The following CTNNA3 variants were observed in gnomAD, a reference collection of about 807,000 sequenced individuals.
CTNNA3 encodes catenin alpha 3.
CTNNA3 carries 76 observed loss-of-function variants against 95.7 expected under a neutral mutation model. The ratio of observed to expected loss-of-function variants is 0.79; its 90% CI spans 0.66 to 0.96. The LOEUF is 0.96. Ranked by LOEUF, CTNNA3 falls within the 40% of genes least tolerant of loss-of-function variation. CTNNA3 has a pLI of 0.00. For missense variants in CTNNA3, 1,191 were observed against 1,089.8 expected (o/e 1.09, Z -1.31); for synonymous variants, 431 against 374.4 (o/e 1.15, Z -1.74).
At position 66,927,380 on chromosome 10, in the gene CTNNA3, G is replaced by A; in HGVS notation, c.1048-151856C>T. On this transcript the variant is annotated intron_variant, in intron 7 of 17. Transcript: ENST00000433211. The surrounding 1 kb of genome is among the most constrained non-coding windows in gnomAD (Gnocchi z 4.7). ...TCTCTGGGATCTGAACAGTTTCGGG[G>A]CTTGCGGAAGCTGCTGAGTTTACAT... 3 of 1,614,162 alleles carry A rather than the reference G, an allele frequency of 1.9e-6. No homozygotes were observed. The highest frequency in any genetic ancestry group is 2.5e-6 in the Non-Finnish European group (3 of 1,180,030).
At chr10:66,108,228 G>A (rs2081983356) in intron 13 of CTNNA3, among the ~76,000 whole-genome samples, 1 of 152,084 alleles carries the variant, frequency 6.6e-6, no homozygotes, top group South Asian at 2.1e-4. Flanking sequence ...CATGGCCCTT[G>A]TTTAACACAC....
chr10:65,962,759 A>G (rs2077875833), intron 17 of CTNNA3, among the ~76,000 whole-genome samples: 1 of 116,222 alleles, frequency 8.6e-6, no homozygotes, highest in Non-Finnish European at 1.6e-5. Context: ...CCCTGTGTCC[A>G]TGTGTTCTCA....
chr10:67,483,787 A>C lies in CTNNA3; in HGVS notation c.579+38055T>G, dbSNP rs568655616. On this transcript the variant is annotated intron_variant, in intron 5 of 17. Transcript: ENST00000433211. ...AAAAAAATAAAAATTAAAAAAAAAA[A>C]CAAAAAAAAAACAAAACACTGCTCA... Among the ~76,000 whole-genome samples the C allele has an allele frequency of 3.7e-3, 536 of 146,630 alleles. 8 individuals carry two copies. The highest frequency in any genetic ancestry group is 0.013 in the African/African-American group (513 of 38,762).
At chr10:66,441,998 A>G (rs4269830) in intron 11 of CTNNA3, among the ~76,000 whole-genome samples, 58,124 of 152,086 alleles carry the variant, frequency 0.38, 11,677 homozygotes, top group African/African-American at 0.5. Flanking sequence ...GAAACTACTG[A>G]AATAGTATGT....
chr10:66,289,351 A>T (rs2091641446), intron 12 of CTNNA3, among the ~76,000 whole-genome samples: 2 of 62,520 alleles, frequency 3.2e-5, no homozygotes, highest in African/African-American at 1.4e-4. Context: ...CACTTTGGAA[A>T]CAAACAAGAA....
At chr10:67,015,272 G>A (rs1395933351) in intron 7 of CTNNA3, 1 of 152,022 alleles carries the variant, frequency 6.6e-6, no homozygotes, top group Non-Finnish European at 1.5e-5. Flanking sequence ...TTTATCCATA[G>A]ATAGATTTGA....
chr10:67,097,730 T>C, intron 7 of CTNNA3: 1 of 1,612,656 alleles, frequency 6.2e-7, no homozygotes, highest in East Asian at 2.2e-5. Flanking sequence ...ACCTAGAGAC[T>C]GAGCTGGACC....
At chr10:67,271,754 T>C (rs1287926684) in intron 5 of CTNNA3, among the ~76,000 whole-genome samples, 4 of 152,128 alleles carry the variant, frequency 2.6e-5, no homozygotes, top group Non-Finnish European at 2.9e-5. Context: ...TAAGCAAAGA[T>C]TGACAAAGAA....
chr10:66,826,993 C>G (rs149541141), intron 7 of CTNNA3, among the ~76,000 whole-genome samples: 1 of 152,214 alleles, frequency 6.6e-6, no homozygotes, highest in African/African-American at 2.4e-5. Context: ...TATGATTTTC[C>G]AAAAATTGAC....
intron 13 of CTNNA3, among the ~76,000 whole-genome samples, chr10:66,182,517 A>T (rs949873543): frequency 2.0e-5 from 3 of 152,000 alleles, no homozygotes; most frequent in Non-Finnish European, 4.4e-5. Flanking sequence ...GGCCTCCCAA[A>T]GTGCTGGGAT....
Position 66,064,492 on chromosome 10 carries a change from A to C in CTNNA3, c.2159+4816T>G, listed in dbSNP as rs183934918. Among the ~76,000 whole-genome samples, 67 of 152,264 alleles carry C rather than the reference A, an allele frequency of 4.4e-4. 1 individual carries two copies. The highest frequency in any genetic ancestry group is 1.5e-3 in the African/African-American group (63 of 41,570). On this transcript the variant is annotated intron_variant, in intron 15 of 17. Transcript: ENST00000433211. ...CTGATTATGCAATTTGAAATTCATCAGTTTAATAGGTCACACACTTGGGAT... is the reference window on the plus strand; with the variant it reads ...CTGATTATGCAATTTGAAATTCATCCGTTTAATAGGTCACACACTTGGGAT...
intron 15 of CTNNA3, among the ~76,000 whole-genome samples, chr10:66,017,596 G>A (rs765076673): frequency 6.6e-6 from 1 of 152,096 alleles, no homozygotes; most frequent in Non-Finnish European, 1.5e-5. Flanking sequence ...CAAAATGGCA[G>A]TGAGTTGGTG....
chr10:66,858,438 C>G (rs532862202), intron 7 of CTNNA3, among the ~76,000 whole-genome samples: 1 of 152,026 alleles, frequency 6.6e-6, no homozygotes, highest in Admixed American at 6.6e-5. Context: ...GAGGATTCTC[C>G]TCTCCTCAAT....
intron 15 of CTNNA3, among the ~76,000 whole-genome samples, chr10:66,007,694 G>T (rs1187604312): frequency 1.2e-5 from 1 of 83,124 alleles, no homozygotes; most frequent in Non-Finnish European, 2.5e-5. Flanking sequence ...GTATAAGCCA[G>T]GCTTTTAGAT....
At chr10:67,266,706 A>T (rs1054510954) in intron 5 of CTNNA3, among the ~76,000 whole-genome samples, 7 of 152,310 alleles carry the variant, frequency 4.6e-5, no homozygotes, top group African/African-American at 1.4e-4. Flanking sequence ...ACAAAGTTTC[A>T]GCTAGATAGG....
intron 13 of CTNNA3, among the ~76,000 whole-genome samples, chr10:66,105,114 C>T (rs376532513): frequency 2.0e-5 from 3 of 152,164 alleles, no homozygotes; most frequent in African/African-American, 4.8e-5. Flanking sequence ...TCCCCCCTCT[C>T]GCCAAAGCCT....
intron 5 of CTNNA3, among the ~76,000 whole-genome samples, chr10:67,312,164 C>T (rs1470915330): frequency 1.3e-5 from 2 of 151,802 alleles, no homozygotes; most frequent in East Asian, 3.9e-4. Flanking sequence ...CCTCTGCCTC[C>T]GGGGTTCAAG....
At chr10:67,260,907 A>G (rs1470524284) in intron 5 of CTNNA3, among the ~76,000 whole-genome samples, 1 of 151,712 alleles carries the variant, frequency 6.6e-6, no homozygotes, top group African/African-American at 2.4e-5. Flanking sequence ...CTGGCCTCGA[A>G]CTCCTGACCT....
chr10:66,655,793 T>A (rs2394271), intron 9 of CTNNA3, among the ~76,000 whole-genome samples: 1 of 151,680 alleles, frequency 6.6e-6, no homozygotes, highest in Non-Finnish European at 1.5e-5. Context: ...AGCATTGAAG[T>A]CTCAAAACTC....
Sources: gnomAD v4.1 joint callset for allele counts (sites outside exome capture counted in the v4.1 genomes callset) on GRCh38, gnomAD v4.1.1 for gene constraint, Gnocchi (gnomAD v3.1) non-coding constraint, MANE v1.5 for transcripts, NCBI Gene and HGNC (gene_info 2026-07-23, HGNC 2026-07-21) for gene names.